PDCL2: variants seen among roughly 807,000 people sequenced by gnomAD.
The protein encoded by PDCL2 is phosducin-like protein 2.
PDCL2 carries 23 observed loss-of-function variants against 30.3 expected under a neutral mutation model. The ratio of observed to expected loss-of-function variants is 0.76; its 90% CI spans 0.55 to 1.08. The LOEUF is 1.08. Among genes scored for constraint, PDCL2 ranks in the 50% least tolerant of loss-of-function variants. The pLI, the probability that PDCL2 is intolerant of heterozygous loss-of-function variation, is 0.00. For missense variants in PDCL2, 243 were observed against 282.3 expected (o/e 0.86, Z 1.00); for synonymous variants, 68 against 86.2 (o/e 0.79, Z 1.17).
chr4:55,567,960 A>G (rs1355678014), intron 4 of PDCL2, among the ~76,000 whole-genome samples: 1 of 152,114 alleles, frequency 6.6e-6, no homozygotes, highest in Non-Finnish European at 1.5e-5. Context: ...AAATTAATCT[A>G]CCAAGAGTTT....
chr4:55,588,073 T>G (rs938510906), intron 1 of PDCL2, among the ~76,000 whole-genome samples: 2 of 152,160 alleles, frequency 1.3e-5, no homozygotes, highest in African/African-American at 4.8e-5. Flanking sequence ...TTAATTTTTG[T>G]ATACAGTTGT....
At chr4:55,584,234 G>GTT (rs112718898) in intron 1 of PDCL2, among the ~76,000 whole-genome samples, 19 of 144,538 alleles carry the variant, frequency 1.3e-4, no homozygotes, top group East Asian at 4.1e-4. Context: ...AATGTTACTA[G>GTT]TTTTTTTTTG....
Position 55,583,189 on chromosome 4 carries a change from G to A in PDCL2, c.7-952C>T, listed in dbSNP as rs186987989. Among the ~76,000 whole-genome samples the A allele has an allele frequency of 8.5e-5, 13 of 152,206 alleles. 1 individual carries two copies. The highest frequency in any genetic ancestry group is 3.1e-4 in the African/African-American group (13 of 41,548). On this transcript the variant is annotated intron_variant, in intron 1 of 5. Transcript: ENST00000295645. ...TCCCCATGTTGCTCCAGCTGGTCTT[G>A]AACTCCTGGCCTCAAGTGATCCTCC...
chr4:55,569,961 TC>T, intron 3 of PDCL2, 100 bp from the exon 4 acceptor site: 1 of 826,700 alleles, frequency 1.2e-6, no homozygotes, highest in Non-Finnish European at 1.8e-6. Context: ...ATAATGCCTA[TC>T]CATATCAAAC....
Position 55,569,012 on chromosome 4 carries a change from A to C in PDCL2, c.362+706T>G, listed in dbSNP as rs1218429693. Among the ~76,000 whole-genome samples, 4 of 152,018 alleles carry C rather than the reference A, an allele frequency of 2.6e-5. No individual in the cohort carries two copies. The East Asian group carries it at 7.7e-4, about 29-fold the overall frequency. ...TCTGTTGTCTTATCAATTCTCTACA[A>C]ATTTGCTGTTCTTTTGTTAAGAATC... is the stretch of plus-strand genomic sequence containing the variant. On this transcript the variant is annotated intron_variant, in intron 4 of 5. Transcript: ENST00000295645.
chr4:55,558,226 G>T (rs1339958126), intron 5 of PDCL2, among the ~76,000 whole-genome samples: 1 of 151,918 alleles, frequency 6.6e-6, no homozygotes, highest in Non-Finnish European at 1.5e-5. Flanking sequence ...GATATGGTTT[G>T]GCTATGTCCT....
intron 5 of PDCL2, among the ~76,000 whole-genome samples, chr4:55,561,316 C>G (rs946463500): frequency 1.3e-5 from 2 of 152,236 alleles, no homozygotes; most frequent in Admixed American, 6.5e-5. Context: ...AATCCCATCA[C>G]TTTTGGAGGC....
chr4:55,591,024 C>T (rs4865018), intron 1 of PDCL2, among the ~76,000 whole-genome samples: 49,967 of 151,874 alleles, frequency 0.33, 8,470 homozygotes, highest in Middle Eastern at 0.43. Context: ...ACATTTCAAT[C>T]CTGAAGAGCA....
Position 55,569,854 on chromosome 4 carries a change from G to A in PDCL2, c.226C>T (p.Arg76Trp), listed in dbSNP as rs756587149. The stretch of plus-strand genomic sequence containing the variant: ...TTAAGAGCTTTCCATTCCTGTAACC[G>A]CTTCTTTCTAATTAAAACATGAAAT... ...MQAVETYRKK[R>W]LQEWKALKKK... The change falls in exon 4 of 6, where the codon CGG becomes TGG. Residue 76 changes from arginine to tryptophan, a missense_variant. Transcript: ENST00000295645. 3.5e-5 allele frequency: 52 copies of A among 1,505,474 alleles called. No homozygotes were observed. The highest frequency in any genetic ancestry group is 9.4e-5 in the East Asian group (4 of 42,754). The allele number at this position is 1,505,474 out of a possible 1,614,324, so 93.3% of individuals were successfully genotyped here.
chr4:55,565,465 T>A (rs1577906724), intron 4 of PDCL2, among the ~76,000 whole-genome samples: 1 of 152,058 alleles, frequency 6.6e-6, no homozygotes, highest in African/African-American at 2.4e-5. Context: ...GTGGCAGCAA[T>A]GAGAAGTGCT....
At chr4:55,567,352 A>G (rs1967078) in intron 4 of PDCL2, among the ~76,000 whole-genome samples, 114,810 of 151,962 alleles carry the variant, frequency 0.76, 43,756 homozygotes, top group East Asian at 0.9. Flanking sequence ...GGGCGACATA[A>G]CAATACCCCA....
chr4:55,562,001 T>C (rs965655098), intron 5 of PDCL2, among the ~76,000 whole-genome samples: 4 of 151,982 alleles, frequency 2.6e-5, no homozygotes, highest in African/African-American at 9.7e-5. Flanking sequence ...AACTTTGGAT[T>C]TGGATAATAG....
chr4:55,588,940 C>T (rs1732930971), intron 1 of PDCL2, among the ~76,000 whole-genome samples: 1 of 151,622 alleles, frequency 6.6e-6, no homozygotes, highest in Non-Finnish European at 1.5e-5. Flanking sequence ...TCACTGCAAG[C>T]TCTGCCTCCT....
chr4:55,579,766 A>G (rs891207051), intron 3 of PDCL2, among the ~76,000 whole-genome samples: 1 of 152,062 alleles, frequency 6.6e-6, no homozygotes, highest in African/African-American at 2.4e-5. Context: ...CCTAGCCTCA[A>G]GCAATCCTCC....
At chr4:55,565,973 G>GTTTTTTTTTTTTTTTTTT (rs71194595) in intron 4 of PDCL2, among the ~76,000 whole-genome samples, 2 of 74,494 alleles carry the variant, frequency 2.7e-5, no homozygotes, top group African/African-American at 5.2e-5. Context: ...CCATTTTTCT[G>GTTTTTTTTTTTTTTTTTT]TTTTTTTTTT....
At chr4:55,561,528 C>T (rs1732137115) in intron 5 of PDCL2, among the ~76,000 whole-genome samples, 1 of 152,126 alleles carries the variant, frequency 6.6e-6, no homozygotes, top group Non-Finnish European at 1.5e-5. Context: ...CATGCCACTG[C>T]ACTCTAGCCT....
intron 4 of PDCL2, among the ~76,000 whole-genome samples, chr4:55,562,814 CG>C (rs1553906824): frequency 6.6e-6 from 1 of 151,292 alleles, no homozygotes; most frequent in Non-Finnish European, 1.5e-5. Flanking sequence ...CATTATAACC[CG>C]GGAATGAAGC....
chr4:55,559,730 GT>G (rs1732075331), intron 5 of PDCL2, among the ~76,000 whole-genome samples: 1 of 152,072 alleles, frequency 6.6e-6, no homozygotes, highest in South Asian at 2.1e-4. Context: ...ATTATTCACA[GT>G]ACCCAAAAGG....
intron 3 of PDCL2, among the ~76,000 whole-genome samples, chr4:55,574,887 T>C (rs1456737347): frequency 6.6e-6 from 1 of 152,200 alleles, no homozygotes; most frequent in Non-Finnish European, 1.5e-5. Flanking sequence ...GCTATGGCCA[T>C]TCCTATACAT....
Sources: allele counts gnomAD v4.1 joint callset (sites outside exome capture counted in the v4.1 genomes callset), GRCh38; gene constraint gnomAD v4.1.1; transcripts MANE v1.5; gene names NCBI Gene and HGNC (gene_info 2026-07-23, HGNC 2026-07-21).